Variants in CPNE4 observed in about 807,000 individuals in gnomAD.
The protein encoded by CPNE4 is copine-4.
A neutral mutation model predicts 67.9 loss-of-function variants in CPNE4; 25 were observed. That is an observed-to-expected ratio of 0.37 (90% CI 0.27 to 0.51). CPNE4 has a LOEUF of 0.51. Ranked by LOEUF, CPNE4 falls within the 20% of genes least tolerant of loss-of-function variation. The pLI is 0.93. For synonymous variants in CPNE4, 242 were observed against 244.9 expected (o/e 0.99, Z 0.11); for missense variants, 464 against 690.8 (o/e 0.67, Z 3.68).
At chr3:131,826,197 TC>T (rs1222888164) in intron 2 of CPNE4, among the ~76,000 whole-genome samples, 1 of 140,202 alleles carries the variant, frequency 7.1e-6, no homozygotes, top group African/African-American at 2.5e-5. Flanking sequence ...TTTTCTTTTT[TC>T]TTTTTTTGTT....
At chr3:131,849,186 C>T (rs2086135566) in intron 2 of CPNE4, among the ~76,000 whole-genome samples, 1 of 152,062 alleles carries the variant, frequency 6.6e-6, no homozygotes, top group Non-Finnish European at 1.5e-5. Flanking sequence ...GCATATTTCC[C>T]CACATCTTGA....
At chr3:131,634,416 G>A (rs929890995) in intron 7 of CPNE4, among the ~76,000 whole-genome samples, 1 of 152,128 alleles carries the variant, frequency 6.6e-6, no homozygotes, top group African/African-American at 2.4e-5. Flanking sequence ...CAGAATCAAT[G>A]AAGAAAGTAA....
chr3:131,773,833 T>C (rs2083229161), intron 2 of CPNE4, among the ~76,000 whole-genome samples: 1 of 152,182 alleles, frequency 6.6e-6, no homozygotes, highest in African/African-American at 2.4e-5. Context: ...TTTTTCTACA[T>C]CATGTGCTAC....
At chr3:131,847,643 T>C (rs2086056242) in intron 2 of CPNE4, among the ~76,000 whole-genome samples, 1 of 152,218 alleles carries the variant, frequency 6.6e-6, no homozygotes, top group Non-Finnish European at 1.5e-5. Context: ...CTCTTTGCAT[T>C]AAAATACGCT....
intron 1 of CPNE4, among the ~76,000 whole-genome samples, chr3:131,999,026 G>A (rs1235178140): frequency 6.6e-6 from 1 of 151,924 alleles, no homozygotes; most frequent in Admixed American, 6.6e-5. Context: ...GAATGGGTGG[G>A]CAGGGGAGGC....
chr3:132,038,202 C>T (rs1455048185), upstream of CPNE4, among the ~76,000 whole-genome samples: 1 of 151,896 alleles, frequency 6.6e-6, no homozygotes, highest in Non-Finnish European at 1.5e-5. Context: ...CTGTATATGC[C>T]TGAGGTGTGA....
chr3:131,976,042 G>C (rs1225073), intron 1 of CPNE4, among the ~76,000 whole-genome samples: 4 of 150,670 alleles, frequency 2.7e-5, no homozygotes, highest in African/African-American at 9.8e-5. Context: ...AAAAACTATA[G>C]GACTTTTTTT....
intron 2 of CPNE4, among the ~76,000 whole-genome samples, chr3:131,769,148 T>G (rs1430727104): frequency 6.6e-6 from 1 of 152,176 alleles, no homozygotes; most frequent in Non-Finnish European, 1.5e-5. Flanking sequence ...AGATAACTTA[T>G]TTATTTCACT....
At chr3:131,709,480 A>T (rs893214260) in intron 3 of CPNE4, among the ~76,000 whole-genome samples, 1 of 152,160 alleles carries the variant, frequency 6.6e-6, no homozygotes, top group African/African-American at 2.4e-5. Context: ...TCCATTGGTG[A>T]TGCAGGCTTT....
At chr3:131,903,401 T>C (rs1284423835) in intron 2 of CPNE4, among the ~76,000 whole-genome samples, 1 of 133,130 alleles carries the variant, frequency 7.5e-6, no homozygotes, top group Admixed American at 8.1e-5. Context: ...GGTACCTAGA[T>C]GCAAAAAAGG....
At chr3:131,718,662 C>T (rs999967679) in intron 3 of CPNE4, among the ~76,000 whole-genome samples, 2 of 152,162 alleles carry the variant, frequency 1.3e-5, no homozygotes, top group African/African-American at 4.8e-5. Flanking sequence ...CCCCTACAGC[C>T]CTTGGATTCA....
In CPNE4 at chr3:131,550,995, G is replaced by A. The variant is rs372398656; in HGVS notation, c.1169-915C>T. 4.9e-4 allele frequency among the ~76,000 whole-genome samples: 74 copies of A among 152,074 alleles called. No individual in the cohort carries two copies. The East Asian group carries it at 6.2e-3, about 13-fold the overall frequency. ...CATTACAAATGATTTTTATTCAAAT[G>A]GCTTCTCTTGTTGTCTGTGCCTGTG... On this transcript the variant is annotated intron_variant, in intron 13 of 15. Transcript: ENST00000429747.
chr3:131,743,845 C>T (rs577524533), intron 2 of CPNE4, among the ~76,000 whole-genome samples: 3 of 150,594 alleles, frequency 2.0e-5, no homozygotes, highest in African/African-American at 4.9e-5. Flanking sequence ...CGCCTGTAGT[C>T]CCAGCTACTC....
chr3:132,000,847 T>TAA lies in CPNE4; in HGVS notation c.-2+33718_-2+33719dup, dbSNP rs147138241. Among the ~76,000 whole-genome samples, 186 of 138,512 alleles carry TAA rather than the reference T, an allele frequency of 1.3e-3. 1 individual carries two copies. The highest frequency in any genetic ancestry group is 2.5e-3 in the Non-Finnish European group (159 of 63,766). The allele number at this position is 138,512 out of a possible 152,430, so 90.9% of individuals were successfully genotyped here. A position where few individuals can be genotyped will look rare whatever the true frequency, so the allele number is the denominator to read the frequency against. On this transcript the variant is annotated intron_variant, in intron 1 of 15. Transcript: ENST00000429747. ...AGCAATGGAGTGAGACCATGTTTCT[T>TAA]AAAAAAAAAAAAAAAGGAAGGAAAA...
At chr3:131,686,153 C>A (rs749064215) in intron 5 of CPNE4, among the ~76,000 whole-genome samples, 195 bp from the exon 6 acceptor site, 1 of 152,126 alleles carries the variant, frequency 6.6e-6, no homozygotes, top group Non-Finnish European at 1.5e-5. Flanking sequence ...TCATGAGCCC[C>A]ACCCTTTCTT....
At chr3:131,822,813 T>C (rs555562032) in intron 2 of CPNE4, among the ~76,000 whole-genome samples, 6 of 152,282 alleles carry the variant, frequency 3.9e-5, no homozygotes, top group Middle Eastern at 3.4e-3. Flanking sequence ...TAAGTGGCAA[T>C]GTACACTTCT....
intron 10 of CPNE4, among the ~76,000 whole-genome samples, chr3:131,572,167 T>C (rs1336327950): frequency 6.6e-6 from 1 of 152,052 alleles, no homozygotes; most frequent in Non-Finnish European, 1.5e-5. Flanking sequence ...CTATGGAAGA[T>C]ACAAAGGCTT....
At chr3:131,583,102 A>G (rs75880856) in intron 8 of CPNE4, among the ~76,000 whole-genome samples, 4,232 of 152,318 alleles carry the variant, frequency 0.028, 65 homozygotes, top group Middle Eastern at 0.051. Flanking sequence ...TGACTCCTTC[A>G]AAATATGGAA....
At chr3:131,929,167 T>C (rs1207199108) in intron 1 of CPNE4, among the ~76,000 whole-genome samples, 1 of 128,414 alleles carries the variant, frequency 7.8e-6, no homozygotes, top group Non-Finnish European at 1.6e-5. Context: ...CCTTTCTTCA[T>C]CAATCATCAG....
Sources: gnomAD v4.1 joint callset for allele counts (sites outside exome capture counted in the v4.1 genomes callset) on GRCh38, gnomAD v4.1.1 for gene constraint, MANE v1.5 for transcripts, NCBI Gene and HGNC (gene_info 2026-07-23, HGNC 2026-07-21) for gene names.